The following SCHIP1 variants were observed in gnomAD, a reference collection of about 807,000 sequenced individuals.
SCHIP1 encodes schwannomin interacting protein 1, also known as schwannomin-interacting protein 1.
In SCHIP1, 8 loss-of-function variants were observed where a neutral mutation model predicts 29.7. The observed-to-expected ratio is 0.27, with a 90% CI of 0.16 to 0.49. SCHIP1 has a LOEUF of 0.49. Ranked by LOEUF, SCHIP1 falls within the 20% of genes least tolerant of loss-of-function variation. SCHIP1 has a pLI of 0.99. For missense variants in SCHIP1, 193 were observed against 294.6 expected (o/e 0.66, Z 2.52); for synonymous variants, 76 against 94.9 (o/e 0.80, Z 1.16).
the SCHIP1 span, among the ~76,000 whole-genome samples, chr3:159,457,036 A>G: frequency 2.0e-5 from 3 of 152,268 alleles, no homozygotes; most frequent in South Asian, 6.2e-4. Flanking sequence ...GAATTTTTGT[A>G]CTATAAGAAT....
In SCHIP1 at chr3:159,843,001, C is replaced by CTTTTTTTTTTTTTTT. The variant is rs566940351; in HGVS notation, c.30+2801_30+2815dup. 5.0e-3 allele frequency among the ~76,000 whole-genome samples: 319 copies of CTTTTTTTTTTTTTTT among 63,696 alleles called. 60 individuals are homozygous for CTTTTTTTTTTTTTTT. The highest frequency in any genetic ancestry group is 6.7e-3 in the Non-Finnish European group (203 of 30,150). 41.8% of individuals were successfully genotyped at this position (63,696 alleles called of 152,430 possible). ...TCCAGTTCTATCCCAATATTTCTTT[C>CTTTTTTTTTTTTTTT]TTTTTTTTTTTTTTTTTTTTTTTTT... On this transcript the variant is annotated intron_variant, in intron 1 of 6. Coordinates refer to ENST00000445224, the Ensembl canonical transcript of SCHIP1.
intron 1 of SCHIP1, among the ~76,000 whole-genome samples, chr3:159,859,344 A>G (rs984168659): frequency 2.0e-5 from 3 of 152,258 alleles, no homozygotes; most frequent in African/African-American, 7.2e-5. Context: ...TAACATTTAC[A>G]TAACAAACAA....
At chr3:159,427,935 G>C in the SCHIP1 span, among the ~76,000 whole-genome samples, 1 of 151,078 alleles carries the variant, frequency 6.6e-6, no homozygotes, top group East Asian at 1.9e-4. Flanking sequence ...AGAAAAACAA[G>C]CAATGGGGAA....
chr3:159,400,862 G>A, the SCHIP1 span, among the ~76,000 whole-genome samples: 1 of 152,274 alleles, frequency 6.6e-6, no homozygotes, highest in Non-Finnish European at 1.5e-5. Context: ...AGTGATGATA[G>A]CAGGCTCTAG....
At chr3:159,828,461 A>C in the SCHIP1 span, among the ~76,000 whole-genome samples, 1 of 123,308 alleles carries the variant, frequency 8.1e-6, no homozygotes, top group Non-Finnish European at 1.6e-5. Flanking sequence ...ACGTATATAT[A>C]TGTATATATA....
chr3:159,632,891 G>A, the SCHIP1 span, among the ~76,000 whole-genome samples: 1 of 152,178 alleles, frequency 6.6e-6, no homozygotes, highest in African/African-American at 2.4e-5. Flanking sequence ...CTGTTAAGGG[G>A]CACATGTGGG....
chr3:159,728,002 G>GT, the SCHIP1 span, among the ~76,000 whole-genome samples: 2,692 of 124,930 alleles, frequency 0.022, 27 homozygotes, highest in Non-Finnish European at 0.031. Context: ...TCCTGTTTTT[G>GT]TTTTTTTTTT....
chr3:159,622,682 G>A, the SCHIP1 span, among the ~76,000 whole-genome samples: 1 of 152,076 alleles, frequency 6.6e-6, no homozygotes, highest in African/African-American at 2.4e-5. Flanking sequence ...ACTTTGGGAG[G>A]CCGAGGCGGG....
At chr3:159,350,258 G>T in the SCHIP1 span, among the ~76,000 whole-genome samples, 1 of 152,070 alleles carries the variant, frequency 6.6e-6, no homozygotes, top group African/African-American at 2.4e-5. Context: ...TTAAAAACCC[G>T]GCTCCTTTTG....
the SCHIP1 span, among the ~76,000 whole-genome samples, chr3:159,728,006 T>G: frequency 2.7e-5 from 4 of 147,412 alleles, no homozygotes; most frequent in Admixed American, 1.4e-4. Flanking sequence ...GTTTTTGTTT[T>G]TTTTTTTTTT....
chr3:159,309,634 TTTC>T, the SCHIP1 span, among the ~76,000 whole-genome samples: 1 of 152,158 alleles, frequency 6.6e-6, no homozygotes, highest in Non-Finnish European at 1.5e-5. Context: ...CACTACTGTT[TTTC>T]TTCTTCCTCC....
the SCHIP1 span, among the ~76,000 whole-genome samples, chr3:159,505,545 C>T: frequency 2.0e-5 from 3 of 152,174 alleles, no homozygotes; most frequent in African/African-American, 7.2e-5. Flanking sequence ...CATATGTATA[C>T]ATGTGCCATG....
At chr3:159,468,750 T>A in the SCHIP1 span, among the ~76,000 whole-genome samples, 3 of 128,970 alleles carry the variant, frequency 2.3e-5, no homozygotes, top group Admixed American at 2.4e-4. Context: ...ATATAATATA[T>A]AATATAATAT....
the SCHIP1 span, among the ~76,000 whole-genome samples, chr3:159,548,656 C>T: frequency 0.015 from 2,342 of 151,984 alleles, 69 homozygotes; most frequent in African/African-American, 0.054. Context: ...AGTTTACTTA[C>T]GCTTTCACCT....
intron 1 of SCHIP1, chr3:159,840,334 C>A: frequency 1.2e-6 from 1 of 829,494 alleles, no homozygotes; most frequent in Non-Finnish European, 2.0e-6. Context: ...CCGCGCCTGG[C>A]CTTCATCACG....
chr3:159,863,129 C>T (rs1390259603), intron 1 of SCHIP1, among the ~76,000 whole-genome samples: 1 of 152,136 alleles, frequency 6.6e-6, no homozygotes, highest in African/African-American at 2.4e-5. Context: ...ATCACGAGGT[C>T]AAGAGATTGA....
chr3:159,351,161 C>T, the SCHIP1 span, among the ~76,000 whole-genome samples: 1 of 152,160 alleles, frequency 6.6e-6, no homozygotes, highest in Non-Finnish European at 1.5e-5. Flanking sequence ...CCTTCATGCT[C>T]TTACAGTTCT....
chr3:159,842,997 C>CTTTTTTTTTTTTTTTTTTTTTTTTTTTTT lies in SCHIP1; in HGVS notation c.30+2786_30+2787insTTTTTTTTTTTTTTTTTTTTTTTTTTTTT, dbSNP rs1440922016. Reference sequence around the variant, plus strand: ...GCTCTCCAGTTCTATCCCAATATTTCTTTCTTTTTTTTTTTTTTTTTTTTT... The same window carrying CTTTTTTTTTTTTTTTTTTTTTTTTTTTTT: ...GCTCTCCAGTTCTATCCCAATATTTCTTTTTTTTTTTTTTTTTTTTTTTTTTTTTTTTCTTTTTTTTTTTTTTTTTTTTT... On this transcript the variant is annotated intron_variant, in intron 1 of 6. Transcript: ENST00000445224. 1.0e-3 allele frequency among the ~76,000 whole-genome samples: 64 copies of CTTTTTTTTTTTTTTTTTTTTTTTTTTTTT among 61,744 alleles called. 17 individuals are homozygous for CTTTTTTTTTTTTTTTTTTTTTTTTTTTTT. Among genetic ancestry groups the CTTTTTTTTTTTTTTTTTTTTTTTTTTTTT allele is most frequent in the Middle Eastern group, 0.02 (2 of 98 alleles). The allele number at this position is 61,744 out of a possible 152,430, so 40.5% of individuals were successfully genotyped here.
chr3:159,424,166 A>G, the SCHIP1 span, among the ~76,000 whole-genome samples: 4 of 152,056 alleles, frequency 2.6e-5, no homozygotes, highest in Admixed American at 2.0e-4. Flanking sequence ...GCAGTTCCTC[A>G]CCAGCAATGG....
Sources: allele counts gnomAD v4.1 joint callset (sites outside exome capture counted in the v4.1 genomes callset), GRCh38; gene constraint gnomAD v4.1.1; transcripts MANE v1.5; gene names NCBI Gene and HGNC (gene_info 2026-07-23, HGNC 2026-07-21).